Variants in GRIP1 observed in about 807,000 individuals in gnomAD.
The protein encoded by GRIP1 is glutamate receptor interacting protein 1.
GRIP1 carries 45 observed loss-of-function variants against 129.9 expected under a neutral mutation model. The ratio of observed to expected loss-of-function variants is 0.35; its 90% CI spans 0.27 to 0.44. The LOEUF (loss-of-function observed/expected upper bound fraction) is 0.44. Ranked by LOEUF, GRIP1 falls within the 20% of genes least tolerant of loss-of-function variation. GRIP1 has a pLI of 1.00. For synonymous variants in GRIP1, 530 were observed against 520.8 expected, an observed-to-expected ratio of 1.02 and a Z score of -0.24; for missense variants, 1,196 against 1,396.8, an observed-to-expected ratio of 0.86 and a Z score of 2.29.
chr12:66,522,220 C>T (rs2061038549), intron 5 of GRIP1, among the ~76,000 whole-genome samples: 1 of 152,210 alleles, frequency 6.6e-6, no homozygotes. Context: ...GGGTCCCTGA[C>T]CCCCGAGCAG....
chr12:66,990,546 T>C (rs909601801), intron 1 of GRIP1, among the ~76,000 whole-genome samples: 1 of 152,202 alleles, frequency 6.6e-6, no homozygotes, highest in Non-Finnish European at 1.5e-5. Context: ...ACATTACTAG[T>C]CGCTTTCTAG....
At chr12:66,852,089 C>T (rs986194076) in intron 1 of GRIP1, among the ~76,000 whole-genome samples, 2 of 151,934 alleles carry the variant, frequency 1.3e-5, no homozygotes, top group Non-Finnish European at 2.9e-5. Context: ...TTACAGTCTT[C>T]TATAAATAGA....
At chr12:66,596,691 T>C (rs1408744887) in intron 2 of GRIP1, among the ~76,000 whole-genome samples, 156 bp downstream of exon 2, 4 of 152,244 alleles carry the variant, frequency 2.6e-5, no homozygotes, top group African/African-American at 7.2e-5. Flanking sequence ...TTATGAATAT[T>C]GTTTGAACAA....
At chr12:66,965,684 C>T (rs2041988140) in intron 1 of GRIP1, among the ~76,000 whole-genome samples, 1 of 151,652 alleles carries the variant, frequency 6.6e-6, no homozygotes, top group African/African-American at 2.4e-5. Flanking sequence ...ATCAGTGAGA[C>T]CTAAGAAGCC....
At chr12:66,503,649 G>C (rs1282982476) in intron 7 of GRIP1, among the ~76,000 whole-genome samples, 1 of 152,058 alleles carries the variant, frequency 6.6e-6, no homozygotes, top group Admixed American at 6.5e-5. Flanking sequence ...ATACGGATTC[G>C]CCACTGGTAA....
chr12:66,621,210 A>G (rs943162843), intron 1 of GRIP1, among the ~76,000 whole-genome samples: 1 of 152,136 alleles, frequency 6.6e-6, no homozygotes. Flanking sequence ...TATCTTCAGA[A>G]CTTTTTTTTA....
intron 1 of GRIP1, among the ~76,000 whole-genome samples, chr12:66,697,682 T>C (rs2035210739): frequency 1.3e-5 from 2 of 152,174 alleles, no homozygotes; most frequent in African/African-American, 2.4e-5. Context: ...GGGATGAAAC[T>C]GATGCCTCTT....
intron 23 of GRIP1, among the ~76,000 whole-genome samples, chr12:66,370,722 A>C (rs571749391): frequency 7.9e-5 from 12 of 152,350 alleles, no homozygotes; most frequent in Non-Finnish European, 1.5e-4. Flanking sequence ...AAAGGAAACT[A>C]GACCTCCATT....
At chr12:66,511,247 T>C (rs910001852) in intron 7 of GRIP1, among the ~76,000 whole-genome samples, 4 of 152,178 alleles carry the variant, frequency 2.6e-5, no homozygotes, top group African/African-American at 9.7e-5. Context: ...TCTGCCATGA[T>C]TGTGAAGCCT....
chr12:66,617,247 C>A (rs2065081243), intron 1 of GRIP1, among the ~76,000 whole-genome samples: 1 of 144,452 alleles, frequency 6.9e-6, no homozygotes, highest in Non-Finnish European at 1.5e-5. Context: ...CAAAAAGAAT[C>A]CATCTCAGGT....
intron 19 of GRIP1, among the ~76,000 whole-genome samples, chr12:66,385,508 C>T (rs1053899533): frequency 5.3e-5 from 8 of 151,894 alleles, no homozygotes; most frequent in Admixed American, 3.3e-4. Flanking sequence ...TGTACTCCAG[C>T]CTGGGTGATA....
chr12:66,899,093 C>A (rs533108670), intron 1 of GRIP1, among the ~76,000 whole-genome samples: 1 of 152,240 alleles, frequency 6.6e-6, no homozygotes, highest in African/African-American at 2.4e-5. Flanking sequence ...CTGGGTAACT[C>A]ACTCTAATTT....
rs144628284 is a variant in GRIP1, at chr12:66,692,225, G to T, written c.-419-61889C>A. Among the ~76,000 whole-genome samples the T allele has an allele frequency of 4.4e-4, 67 of 152,242 alleles. No homozygotes were observed. The Middle Eastern group carries it at 0.01, about 23-fold the overall frequency. On this transcript the variant is annotated intron_variant, in intron 1 of 4. Transcript: ENST00000538373. ...CTCATTCCTCAGATACAGATTCTAG[G>T]TTGCAGCTGCAGATTAAAGTCAATT...
At chr12:66,777,262 C>T (rs2038011165) in intron 1 of GRIP1, among the ~76,000 whole-genome samples, 1 of 152,136 alleles carries the variant, frequency 6.6e-6, no homozygotes, top group Non-Finnish European at 1.5e-5. Context: ...TCCAGCCACA[C>T]TGGCCTTCTG....
At chr12:66,478,900 G>C (rs1380130396) in intron 7 of GRIP1, among the ~76,000 whole-genome samples, 1 of 152,054 alleles carries the variant, frequency 6.6e-6, no homozygotes, top group Non-Finnish European at 1.5e-5. Flanking sequence ...AATGGGGGAG[G>C]GATAGCATTA....
At chr12:66,745,818 A>T (rs1460220989) in intron 1 of GRIP1, among the ~76,000 whole-genome samples, 2 of 152,160 alleles carry the variant, frequency 1.3e-5, no homozygotes, top group African/African-American at 4.8e-5. Flanking sequence ...CCCAGAAGCC[A>T]TGACAGGAGA....
At chr12:66,704,376 T>C (rs2035457464) in intron 1 of GRIP1, among the ~76,000 whole-genome samples, 1 of 151,954 alleles carries the variant, frequency 6.6e-6, no homozygotes, top group Admixed American at 6.6e-5. Context: ...GAATTTTATA[T>C]AAATAAGAAA....
intron 1 of GRIP1, among the ~76,000 whole-genome samples, chr12:67,060,032 G>GC (rs1182155285): frequency 1.3e-5 from 2 of 152,140 alleles, no homozygotes; most frequent in African/African-American, 4.8e-5. Flanking sequence ...GGAACCCCAT[G>GC]CCTGTGACAG....
intron 16 of GRIP1, among the ~76,000 whole-genome samples, chr12:66,398,852 A>G (rs1390716683): frequency 1.3e-5 from 2 of 151,982 alleles, no homozygotes; most frequent in African/African-American, 4.9e-5. Flanking sequence ...GTTCTAGCAT[A>G]TGCCTTTCAC....
Sources: gnomAD v4.1 joint callset for allele counts (sites outside exome capture counted in the v4.1 genomes callset) on GRCh38, gnomAD v4.1.1 for gene constraint, MANE v1.5 for transcripts, NCBI Gene and HGNC (gene_info 2026-07-23, HGNC 2026-07-21) for gene names.